The following SAMD4A variants were observed in gnomAD, a reference collection of about 807,000 sequenced individuals.
The protein encoded by SAMD4A is protein Smaug homolog 1.
In SAMD4A, 33 loss-of-function variants were observed where a neutral mutation model predicts 81.3. The observed-to-expected ratio is 0.41, with a 90% confidence interval of 0.31 to 0.54. The LOEUF (loss-of-function observed/expected upper bound fraction) is 0.54, where lower values mean the gene tolerates loss of function less well. SAMD4A is among the 20% of genes least tolerant of loss of function. The pLI, the probability that SAMD4A is intolerant of heterozygous loss-of-function variation, is 0.37. For synonymous variants in SAMD4A, 389 were observed against 382.1 expected, an observed-to-expected ratio of 1.02 and a Z score of -0.21; for missense variants, 854 against 951.1, an observed-to-expected ratio of 0.90 and a Z score of 1.34.
At position 54,630,658 on chromosome 14, in the gene SAMD4A, G is replaced by A. The variant is rs998928512; in HGVS notation, c.196+62546G>A. Among the ~76,000 whole-genome samples, 3 of 152,232 alleles carry A rather than the reference G, an allele frequency of 2.0e-5. No individual in the cohort carries two copies. The Middle Eastern group carries it at 0.01, about 518-fold the overall frequency. On this transcript the variant is annotated intron_variant, in intron 2 of 12. Transcript: ENST00000554335. Reference sequence around the variant, plus strand: ...TGCACCAGCTGAGAATGCTTTGGTGGTGGTGGTCATGGGGATATTGTATTC... The same window carrying A: ...TGCACCAGCTGAGAATGCTTTGGTGATGGTGGTCATGGGGATATTGTATTC...
intron 3 of SAMD4A, among the ~76,000 whole-genome samples, chr14:54,704,947 C>CT (rs1305845383): frequency 6.6e-6 from 1 of 152,180 alleles, no homozygotes; most frequent in African/African-American, 2.4e-5. Context: ...GGGAGGCAGC[C>CT]TGACAGAGGG....
At chr14:54,776,681 T>A (rs977556662) in intron 11 of SAMD4A, 141 bp downstream of exon 11, 1 of 1,074,042 alleles carries the variant, frequency 9.3e-7, no homozygotes, top group Non-Finnish European at 1.2e-6. Flanking sequence ...TTTTTTAAAC[T>A]GTGCCTTGCC....
chr14:54,747,023 G>A (rs763948218), intron 4 of SAMD4A, among the ~76,000 whole-genome samples: 1 of 152,202 alleles, frequency 6.6e-6, no homozygotes, highest in Non-Finnish European at 1.5e-5. Context: ...GATGTTGCAG[G>A]ATAGAAGGTT....
chr14:54,786,500 G>C (rs1330439896), intron 12 of SAMD4A, among the ~76,000 whole-genome samples: 1 of 152,234 alleles, frequency 6.6e-6, no homozygotes, highest in Non-Finnish European at 1.5e-5. Context: ...GCCAGAGTTA[G>C]GATAGCAGCT....
chr14:54,780,060 T>C (rs1373943808), intron 11 of SAMD4A, among the ~76,000 whole-genome samples: 4 of 152,198 alleles, frequency 2.6e-5, no homozygotes, highest in Non-Finnish European at 5.9e-5. Context: ...GGAGTGGCCC[T>C]GGCTCAACAG....
At chr14:54,649,891 C>T (rs578054602) in intron 2 of SAMD4A, among the ~76,000 whole-genome samples, 2 of 152,220 alleles carry the variant, frequency 1.3e-5, no homozygotes, top group South Asian at 2.1e-4. Context: ...CATATTTTCC[C>T]ATTAAAATGG....
intron 9 of SAMD4A, 90 bp from the exon 10 acceptor site, chr14:54,774,844 C>T (rs2038799070): frequency 8.6e-7 from 1 of 1,168,298 alleles, no homozygotes; most frequent in African/African-American, 1.6e-5. Context: ...AATGAGGAGA[C>T]CTCCAAGGCG....
intron 2 of SAMD4A, among the ~76,000 whole-genome samples, chr14:54,624,162 A>T (rs1250652139): frequency 6.6e-6 from 1 of 150,684 alleles, no homozygotes; most frequent in Admixed American, 6.6e-5. Context: ...TTTAGTAGAG[A>T]CAGGGTTTCA....
At chr14:54,614,860 T>C (rs1262407325) in intron 2 of SAMD4A, among the ~76,000 whole-genome samples, 1 of 152,178 alleles carries the variant, frequency 6.6e-6, no homozygotes, top group Non-Finnish European at 1.5e-5. Context: ...GCTCTGTGAT[T>C]GTCTAATGAA....
intron 2 of SAMD4A, among the ~76,000 whole-genome samples, chr14:54,599,097 G>A (rs1317728860): frequency 6.6e-6 from 1 of 152,160 alleles, no homozygotes; most frequent in Admixed American, 6.6e-5. Context: ...TAGGATTACA[G>A]GCATGAGCCA....
intron 3 of SAMD4A, among the ~76,000 whole-genome samples, chr14:54,710,195 G>A (rs890965279): frequency 6.6e-6 from 1 of 152,086 alleles, no homozygotes; most frequent in Non-Finnish European, 1.5e-5. Flanking sequence ...CAGATTCATG[G>A]CACATTGTGG....
At chr14:54,572,042 CA>C (rs546030646) in intron 2 of SAMD4A, among the ~76,000 whole-genome samples, 129 of 152,280 alleles carry the variant, frequency 8.5e-4, no homozygotes, top group Middle Eastern at 3.4e-3. Flanking sequence ...GTAGTTTTTT[CA>C]TTCATTTATT....
intron 3 of SAMD4A, among the ~76,000 whole-genome samples, chr14:54,726,644 C>A (rs1229654786): frequency 6.6e-6 from 1 of 152,128 alleles, no homozygotes; most frequent in Non-Finnish European, 1.5e-5. Context: ...CAGCCCAGTG[C>A]AGTGGTTCTT....
rs577137386 is a variant in SAMD4A, at chr14:54,599,237, G to T, written c.196+31125G>T. Among the ~76,000 whole-genome samples the T allele has an allele frequency of 5.3e-5, 8 of 152,162 alleles. No individual in the cohort carries two copies. The East Asian group carries it at 1.5e-3, about 29-fold the overall frequency. On this transcript the variant is annotated intron_variant, in intron 2 of 12. Coordinates refer to ENST00000554335, the MANE Select transcript of SAMD4A (RefSeq NM_015589.6). ...CCTGTTTTTGAGACCTTTAATTCCT[G>T]TTGTCAAATTGCCCTATATATGGAG...
intron 4 of SAMD4A, among the ~76,000 whole-genome samples, chr14:54,742,405 AC>A (rs922083416): frequency 1.3e-5 from 2 of 151,824 alleles, no homozygotes; most frequent in African/African-American, 4.8e-5. Context: ...GAGGTGTGCA[AC>A]CCCCTCAGTG....
chr14:54,771,533 C>T (rs753300206), intron 9 of SAMD4A, among the ~76,000 whole-genome samples: 10 of 152,204 alleles, frequency 6.6e-5, no homozygotes, highest in Admixed American at 1.3e-4. Flanking sequence ...CCCAAGCCCT[C>T]TGGGGTTGCC....
Position 54,748,891 on chromosome 14 carries a change from G to C in SAMD4A, c.1056G>C (p.Met352Ile). 6.4e-7 allele frequency: 1 copy of C among 1,554,900 alleles called. No individual in the cohort carries two copies. The highest frequency in any genetic ancestry group is 8.7e-7 in the Non-Finnish European group (1 of 1,148,442). The part of the protein sequence containing the change: ...ALFSQMTYEE[M>I]MALTECQLEA... ...TCTCCCAGATGACCTATGAGGAGATGATGGCCCTCACCGAGTGCCAGCTGG... is the reference window on the plus strand; with the variant it reads ...TCTCCCAGATGACCTATGAGGAGATCATGGCCCTCACCGAGTGCCAGCTGG... Residue 352 changes from methionine (M) to isoleucine (I), a missense_variant, in exon 5 of 13, where the codon ATG becomes ATC. Physicochemically the swap from Met to Ile is conservative, Grantham distance 10. Transcript: ENST00000554335.
At chr14:54,644,561 A>G (rs893857468) in intron 2 of SAMD4A, among the ~76,000 whole-genome samples, 1 of 152,228 alleles carries the variant, frequency 6.6e-6, no homozygotes, top group African/African-American at 2.4e-5. Flanking sequence ...CACAGTAATT[A>G]GAGGAGTCAG....
intron 2 of SAMD4A, among the ~76,000 whole-genome samples, chr14:54,683,260 C>T (rs2036172883): frequency 6.6e-6 from 1 of 152,172 alleles, no homozygotes; most frequent in Non-Finnish European, 1.5e-5. Flanking sequence ...CTTTGTGAGG[C>T]AGGATAGAGT....
Sources: gnomAD v4.1 joint callset for allele counts (sites outside exome capture counted in the v4.1 genomes callset) on GRCh38, gnomAD v4.1.1 for gene constraint, MANE v1.5 for transcripts, NCBI Gene and HGNC (gene_info 2026-07-23, HGNC 2026-07-21) for gene names.